Variants in YES1 observed in about 807,000 individuals in gnomAD.
YES1 encodes the protein YES proto-oncogene 1, Src family tyrosine kinase.
In YES1, 39 loss-of-function variants were observed where a neutral mutation model predicts 70.4. The ratio of observed to expected loss-of-function variants is 0.55; its 90% CI spans 0.43 to 0.72. YES1 has a LOEUF of 0.72. YES1 is among the 30% of genes least tolerant of loss of function. The probability of loss-of-function intolerance (pLI) is 0.00; values close to 1 mark genes in which losing one functional copy is unlikely to be tolerated. For synonymous variants in YES1, 198 were observed against 218.6 expected, an observed-to-expected ratio of 0.91 and a Z score of 0.83; for missense variants, 495 against 644.8, an observed-to-expected ratio of 0.77 and a Z score of 2.52.
chr18:767,288 T>A (rs1904956718), intron 1 of YES1, among the ~76,000 whole-genome samples: 1 of 152,152 alleles, frequency 6.6e-6, no homozygotes, highest in African/African-American at 2.4e-5. Context: ...CAGCTGGGAC[T>A]ATAGGCGAGC....
rs560483269 is a variant in YES1 at position 724,106 on chromosome 18, GA to G, written c.*317del. On this transcript the variant is annotated 3_prime_UTR_variant, in exon 12 of 12. Transcript: ENST00000314574. ...TTCTTTGAGCAATTCTGACTTTGGG[GA>G]AAAAAAGAAAGGAAATGATTTATAA... 129 of 206,074 alleles carry G rather than the reference GA, an allele frequency of 6.3e-4. 1 individual carries two copies. The highest frequency in any genetic ancestry group is 2.7e-3 in the African/African-American group (119 of 43,582). The allele number at this position is 206,074 out of a possible 1,614,324, so 12.8% of individuals were successfully genotyped here.
intron 1 of YES1, among the ~76,000 whole-genome samples, chr18:793,253 A>C (rs972659189): frequency 4.0e-5 from 6 of 151,890 alleles, no homozygotes; most frequent in African/African-American, 1.5e-4. Context: ...GTTGGCCAGG[A>C]TGGTCTCAAA....
At chr18:747,239 G>A (rs1900191918) in intron 4 of YES1, among the ~76,000 whole-genome samples, 1 of 152,234 alleles carries the variant, frequency 6.6e-6, no homozygotes. Flanking sequence ...GAAGGCTGAG[G>A]CGGGTGGATC....
At chr18:781,062 G>A (rs772551826) in intron 1 of YES1, among the ~76,000 whole-genome samples, 4 of 152,208 alleles carry the variant, frequency 2.6e-5, no homozygotes, top group Non-Finnish European at 5.9e-5. Flanking sequence ...GAGGTCAGGA[G>A]TTTGAAACCA....
rs1185239817 is a variant in YES1, at chr18:747,973, A to T, written c.417T>A (p.Asn139Lys). 8 of 1,613,824 alleles carry T rather than the reference A, an allele frequency of 5.0e-6. No homozygotes were observed. Among genetic ancestry groups the T allele is most frequent in the Non-Finnish European group, 5.9e-6 (7 of 1,179,998 alleles). Residue 139 changes from asparagine (N) to lysine (K), a missense_variant, in exon 4 of 12, where the codon AAT (asparagine) becomes AAA (lysine). Transcript: ENST00000314574. ...CTACATAATTGCTCGGGATATAACCATTCTTTCCTGTAGCGATTGATCTTG... is the reference window on the plus strand; with the variant it reads ...CTACATAATTGCTCGGGATATAACCTTTCTTTCCTGTAGCGATTGATCTTG... ...WEARSIATGK[N>K]GYIPSNYVAP...
At chr18:756,951 A>G (rs1177082330) in intron 1 of YES1, 116 bp from the exon 2 acceptor site, 1 of 1,019,590 alleles carries the variant, frequency 9.8e-7, no homozygotes, top group African/African-American at 1.6e-5. Flanking sequence ...AAAGGAACAT[A>G]AACAAAACAA....
At chr18:806,733 CAA>C (rs1907118507) in intron 1 of YES1, among the ~76,000 whole-genome samples, 1 of 152,180 alleles carries the variant, frequency 6.6e-6, no homozygotes, top group Non-Finnish European at 1.5e-5. Flanking sequence ...TGTGGGAGCA[CAA>C]AGAGGTCATA....
chr18:793,663 A>T (rs1906388762), intron 1 of YES1, among the ~76,000 whole-genome samples: 1 of 152,216 alleles, frequency 6.6e-6, no homozygotes, highest in Non-Finnish European at 1.5e-5. Flanking sequence ...CAAAAAAAGT[A>T]AGAGAATTAA....
chr18:793,930 T>C lies in YES1; in HGVS notation c.-9+18184A>G, dbSNP rs980183364. ...ATAATCCATAAGTCACTCTGATAAA[T>C]AAATAAGGACAGGAAGGTTCTCTCT... On this transcript the variant is annotated intron_variant, in intron 1 of 11. Transcript: ENST00000314574. 3.3e-5 allele frequency among the ~76,000 whole-genome samples: 5 copies of C among 152,124 alleles called. No individual in the cohort carries two copies. In the East Asian group the frequency reaches 7.7e-4, roughly 24 times the overall value.
chr18:800,678 G>T (rs964080711), intron 1 of YES1, among the ~76,000 whole-genome samples: 4 of 152,198 alleles, frequency 2.6e-5, no homozygotes, highest in Admixed American at 6.5e-5. Flanking sequence ...TTGACACAGT[G>T]GCAAAAGAGT....
At chr18:800,852 A>G (rs942806528) in intron 1 of YES1, among the ~76,000 whole-genome samples, 5 of 152,178 alleles carry the variant, frequency 3.3e-5, no homozygotes, top group African/African-American at 1.2e-4. Flanking sequence ...ATCTCTGGAA[A>G]AAATAAAAAC....
chr18:795,912 AACACACAC>A (rs72204539), intron 1 of YES1, among the ~76,000 whole-genome samples: 14 of 144,692 alleles, frequency 9.7e-5, no homozygotes, highest in African/African-American at 1.5e-4. Context: ...CCAGAACTTA[AACACACAC>A]ACACACACAC....
At chr18:782,200 A>T (rs555281830) in intron 1 of YES1, among the ~76,000 whole-genome samples, 99 of 152,230 alleles carry the variant, frequency 6.5e-4, no homozygotes, top group Non-Finnish European at 7.4e-5. Flanking sequence ...CATGTGCTTC[A>T]TTCTTCTCTC....
chr18:787,080 C>CTTTTTTTTTTTTTTTTTTT (rs71174290), intron 1 of YES1, among the ~76,000 whole-genome samples: 1 of 34,754 alleles, frequency 2.9e-5, no homozygotes, highest in African/African-American at 1.1e-4. Flanking sequence ...TACATACTGT[C>CTTTTTTTTTTTTTTTTTTT]TTTTTTTTTT....
At chr18:787,686 G>A (rs1220130221) in intron 1 of YES1, among the ~76,000 whole-genome samples, 1 of 151,770 alleles carries the variant, frequency 6.6e-6, no homozygotes, top group Non-Finnish European at 1.5e-5. Context: ...CTTCAGCCTG[G>A]GCAACAGAGT....
intron 1 of YES1, among the ~76,000 whole-genome samples, chr18:802,530 G>C (rs1906878548): frequency 7.0e-6 from 1 of 143,418 alleles, no homozygotes; most frequent in Non-Finnish European, 1.5e-5. Context: ...GGCAACAAGA[G>C]TGAAACTCCA....
At chr18:756,981 G>A (rs1169716697) in intron 1 of YES1, 146 bp from the exon 2 acceptor site, 3 of 817,316 alleles carry the variant, frequency 3.7e-6, no homozygotes, top group Non-Finnish European at 1.9e-6. Context: ...AGCTGAAAAC[G>A]AGGTCTCTTC....
intron 1 of YES1, among the ~76,000 whole-genome samples, chr18:757,297 AT>A (rs1165403620): frequency 1.3e-5 from 2 of 151,462 alleles, no homozygotes; most frequent in South Asian, 2.1e-4. Context: ...AGGTCAGGAG[AT>A]TGAGACCATC....
chr18:759,192 C>T lies in YES1; in HGVS notation c.-8-2357G>A, dbSNP rs542511581. Among the ~76,000 whole-genome samples, 9 of 152,308 alleles carry T rather than the reference C, an allele frequency of 5.9e-5. No homozygotes were observed. In the East Asian group the frequency reaches 1.5e-3, roughly 26 times the overall value. ...GCATCAAAATATAACCGGGGCTAGGCGCGGTGGCTCACGCCTGTAATCCCA... is the reference window on the plus strand; with the variant it reads ...GCATCAAAATATAACCGGGGCTAGGTGCGGTGGCTCACGCCTGTAATCCCA... On this transcript the variant is annotated intron_variant, in intron 1 of 11. Coordinates refer to ENST00000314574, the MANE Select transcript of YES1 (RefSeq NM_005433.4).
Sources: allele counts gnomAD v4.1 joint callset (sites outside exome capture counted in the v4.1 genomes callset), GRCh38; gene constraint gnomAD v4.1.1; transcripts MANE v1.5; gene names NCBI Gene and HGNC (gene_info 2026-07-23, HGNC 2026-07-21).